The following CTBP2 variants were observed in gnomAD, a reference collection of about 807,000 sequenced individuals.
CTBP2 encodes the protein C-terminal-binding protein 2.
In CTBP2, 30 loss-of-function variants were observed where a neutral mutation model predicts 80.3. The ratio of observed to expected loss-of-function variants is 0.37; its 90% CI spans 0.28 to 0.51. The LOEUF (loss-of-function observed/expected upper bound fraction) is 0.51, where lower values mean the gene tolerates loss of function less well. CTBP2 is among the 20% of genes least tolerant of loss of function. The pLI is 0.93. For synonymous variants in CTBP2, 594 were observed against 587.4 expected, an observed-to-expected ratio of 1.01 and a Z score of -0.16; for missense variants, 1,212 against 1,375.3, an observed-to-expected ratio of 0.88 and a Z score of 1.88.
At chr10:125,112,173 C>T (rs543868392) in intron 1 of CTBP2, among the ~76,000 whole-genome samples, 18 of 144,024 alleles carry the variant, frequency 1.2e-4, no homozygotes, top group African/African-American at 7.9e-5. Flanking sequence ...AGTGCAATGG[C>T]GCGATCTCGG....
intron 2 of CTBP2, among the ~76,000 whole-genome samples, chr10:125,108,424 C>A (rs2135900149): frequency 6.6e-6 from 1 of 152,318 alleles, no homozygotes; most frequent in South Asian, 2.1e-4. Flanking sequence ...CATCTACCTC[C>A]TTCTTCTGTG....
upstream of CTBP2, among the ~76,000 whole-genome samples, chr10:125,030,146 CCACACACACACA>C (rs3068310): frequency 3.3e-5 from 5 of 150,070 alleles, no homozygotes; most frequent in African/African-American, 7.4e-5. Context: ...TACACAAACA[CCACACACACACA>C]CACACACACA....
intron 2 of CTBP2, among the ~76,000 whole-genome samples, chr10:125,047,166 A>C (rs1320062830): frequency 1.6e-5 from 2 of 123,646 alleles, no homozygotes; most frequent in African/African-American, 5.3e-5. Context: ...AAGGTTAAGC[A>C]AAAAAAAAGG....
Position 125,027,080 on chromosome 10 carries a change from A to G in CTBP2, c.680T>C (p.Val227Ala). 1 of 1,612,068 alleles carries G rather than the reference A, an allele frequency of 6.2e-7. No individual in the cohort carries two copies. The highest frequency in any genetic ancestry group is 8.5e-7 in the Non-Finnish European group (1 of 1,178,778). Residue 227 changes from valine to alanine, a missense_variant, in exon 1 of 9, where the codon GTG (valine) becomes GCG (alanine). Coordinates refer to ENST00000309035, the MANE Select transcript of CTBP2 (RefSeq NM_022802.3). ...GTCCACAACCAGGCACGTCGGGGCC[A>G]CCTGTCTGGCAGGGGCAGGGTCAAT...
intron 1 of CTBP2, chr10:125,005,955 C>T (rs1270860200): frequency 2.3e-5 from 34 of 1,488,080 alleles, no homozygotes; most frequent in East Asian, 1.6e-4. Flanking sequence ...CCACGCTGGG[C>T]GCAAGGTGGG....
intron 1 of CTBP2, among the ~76,000 whole-genome samples, chr10:125,118,928 CTG>C: frequency 6.6e-6 from 1 of 152,326 alleles, no homozygotes; most frequent in East Asian, 1.9e-4. Context: ...GCACACACCC[CTG>C]TGAGATGGTC....
rs775975320 is a variant in CTBP2, at chr10:124,998,040, C to G, written c.2109G>C (p.Gln703His). 23 of 1,613,380 alleles carry G rather than the reference C, an allele frequency of 1.4e-5. No individual in the cohort carries two copies. The highest frequency in any genetic ancestry group is 1.9e-5 in the Non-Finnish European group (22 of 1,179,988). The change falls in exon 4 of 9, where the codon CAG becomes CAC. Residue 703 changes from glutamine (Q) to histidine (H), a missense_variant. Around this residue, in one of 3 missense-constraint regions of CTBP2, gnomAD observed 335 missense variants for 504.7 expected, o/e 0.66. Transcript: ENST00000309035. ...CCACCTCGCGGATCTGCTCCACGCT[C>G]TGAACCCGCGTGCCTTCCCGCAGTG... is the stretch of plus-strand genomic sequence containing the variant.
intron 8 of CTBP2, among the ~76,000 whole-genome samples, chr10:124,991,613 TG>T (rs768211257): frequency 4.7e-4 from 72 of 152,278 alleles, no homozygotes; most frequent in Non-Finnish European, 8.7e-4. Context: ...AGGGGACATG[TG>T]GCTGGAGACA....
chr10:125,112,175 C>A (rs1003549940), intron 1 of CTBP2, among the ~76,000 whole-genome samples: 1 of 148,058 alleles, frequency 6.8e-6, no homozygotes, highest in African/African-American at 2.5e-5. Context: ...TGCAATGGCG[C>A]GATCTCGGCT....
intron 2 of CTBP2, among the ~76,000 whole-genome samples, chr10:125,058,345 T>C (rs898770701): frequency 1.3e-5 from 2 of 152,186 alleles, no homozygotes; most frequent in African/African-American, 4.8e-5. Context: ...AGATGCCTCC[T>C]GGGCACCGTC....
At chr10:125,055,898 A>T (rs1167292439) in intron 2 of CTBP2, among the ~76,000 whole-genome samples, 1 of 152,132 alleles carries the variant, frequency 6.6e-6, no homozygotes, top group Non-Finnish European at 1.5e-5. Flanking sequence ...CAGGCGTGGC[A>T]GCTCACACCT....
At position 125,072,465 on chromosome 10, in the gene CTBP2, A is replaced by C. The variant is rs143416845; in HGVS notation, c.-101-33310T>G. On this transcript the variant is annotated intron_variant, in intron 2 of 10. Transcript: ENST00000337195. ...CCTCATCTCTACTAAAAACAAAAAC[A>C]ATTAGTCAGGTGTGATGGCAGGCGC... 4.3e-3 allele frequency among the ~76,000 whole-genome samples: 660 copies of C among 151,930 alleles called. 6 individuals are homozygous for C. The highest frequency in any genetic ancestry group is 0.015 in the African/African-American group (620 of 41,426).
intron 1 of CTBP2, among the ~76,000 whole-genome samples, chr10:125,144,941 C>T (rs1858481936): frequency 6.6e-6 from 1 of 152,148 alleles, no homozygotes; most frequent in Non-Finnish European, 1.5e-5. Flanking sequence ...CATCTGAATA[C>T]GGAACTAGCT....
chr10:124,995,170 G>A (rs1011756029), intron 4 of CTBP2, among the ~76,000 whole-genome samples: 1 of 152,248 alleles, frequency 6.6e-6, no homozygotes, highest in Non-Finnish European at 1.5e-5. Flanking sequence ...GGTGACATGA[G>A]CACAATGGCT....
intron 2 of CTBP2, among the ~76,000 whole-genome samples, chr10:125,105,501 G>C (rs1482628108): frequency 3.3e-5 from 5 of 152,118 alleles, no homozygotes; most frequent in African/African-American, 1.2e-4. Context: ...ATTACTGAAA[G>C]TAACCAGGCT....
At chr10:125,024,727 T>C (rs1024358087) in intron 1 of CTBP2, among the ~76,000 whole-genome samples, 8 of 152,232 alleles carry the variant, frequency 5.3e-5, no homozygotes, top group African/African-American at 1.4e-4. Context: ...ACAAATGTCA[T>C]CGCCATGCAA....
intron 1 of CTBP2, among the ~76,000 whole-genome samples, chr10:125,017,492 C>A (rs1374945542): frequency 2.0e-5 from 3 of 152,208 alleles, no homozygotes; most frequent in Non-Finnish European, 4.4e-5. Context: ...TGTGTTCCGG[C>A]CCTACCACCC....
At chr10:125,052,937 T>C (rs945586960) in intron 2 of CTBP2, among the ~76,000 whole-genome samples, 9 of 152,228 alleles carry the variant, frequency 5.9e-5, no homozygotes, top group African/African-American at 2.2e-4. Context: ...CTTTTCTGAC[T>C]GTCAAAGCAT....
chr10:124,991,898 G>GT (rs201215878), intron 8 of CTBP2, among the ~76,000 whole-genome samples: 23,422 of 144,968 alleles, frequency 0.16, 2,388 homozygotes, highest in African/African-American at 0.22. Context: ...AATAATGGGG[G>GT]GGGGGGTGTG....
Sources: gnomAD v4.1 joint callset for allele counts (sites outside exome capture counted in the v4.1 genomes callset) on GRCh38, gnomAD v4.1.1 for gene constraint, gnomAD v4.1.1 regional missense constraint, MANE v1.5 for transcripts, NCBI Gene and HGNC (gene_info 2026-07-23, HGNC 2026-07-21) for gene names.